Variants in USP39 observed in about 807,000 individuals in gnomAD.
USP39 encodes ubiquitin carboxyl-terminal hydrolase 39.
In USP39, 38 loss-of-function variants were observed where a neutral mutation model predicts 66.4. That is an observed-to-expected ratio of 0.57 (90% CI 0.44 to 0.75). USP39 has a LOEUF of 0.75. Among genes scored for constraint, USP39 ranks in the 30% least tolerant of loss-of-function variants. The probability of loss-of-function intolerance (pLI) is 0.00; values close to 1 mark genes in which losing one functional copy is unlikely to be tolerated. For synonymous variants in USP39, 303 were observed against 274.6 expected (o/e 1.10, Z -1.02); for missense variants, 608 against 714.4 (o/e 0.85, Z 1.70).
At chr2:85,616,065 A>C (rs1673899458), upstream of USP39, 3 of 1,294,100 alleles carry the variant, frequency 2.3e-6, no homozygotes, top group Non-Finnish European at 2.9e-6. Context: ...AATTTTCTGC[A>C]GCGTGATTTG....
intron 8 of USP39, among the ~76,000 whole-genome samples, chr2:85,637,950 G>T (rs903959456): frequency 9.2e-5 from 14 of 152,122 alleles, no homozygotes; most frequent in Non-Finnish European, 1.8e-4. Context: ...ACCTGCCTCG[G>T]CCTCCCAAAG....
chr2:85,633,212 C>T (rs1675504872), intron 6 of USP39, among the ~76,000 whole-genome samples: 1 of 150,090 alleles, frequency 6.7e-6, no homozygotes, highest in Non-Finnish European at 1.5e-5. Context: ...CCTCTGTCTC[C>T]CCAGTTCAAG....
chr2:85,609,361 A>C (rs139096231), upstream of USP39: 959 of 1,554,046 alleles, frequency 6.2e-4, 5 homozygotes, highest in East Asian at 3.1e-3. Context: ...TGAGGAAAAC[A>C]GGGCTCAGGG....
intron 2 of USP39, chr2:85,621,273 A>G (rs1424188132): frequency 4.2e-6 from 2 of 472,442 alleles, no homozygotes; most frequent in African/African-American, 1.9e-5. Flanking sequence ...GCTCGTGGGT[A>G]TTATGTGTCT....
chr2:85,624,434 C>G (rs144818113), intron 4 of USP39, among the ~76,000 whole-genome samples: 34 of 152,122 alleles, frequency 2.2e-4, no homozygotes, highest in African/African-American at 7.7e-4. Flanking sequence ...CAGCCTCGAC[C>G]TCATGGGTTC....
At chr2:85,625,755 A>C in intron 5 of USP39, 64 bp downstream of exon 5, 1 of 1,574,344 alleles carries the variant, frequency 6.4e-7, no homozygotes, top group Non-Finnish European at 8.7e-7. Flanking sequence ...ACAGTGGCTC[A>C]CCCCTGTAAT....
Position 85,641,114 on chromosome 2 carries a change from A to G in USP39, c.1423A>G (p.Ile475Val), listed in dbSNP as rs1350251931. ...GAATCCAACTATTGTCAATTTCCCT[A>G]TTACGTAAGTAACATCCTGCCTCAC... ...EKNPTIVNFPITNVDLREYLS... is the reference protein window; with the variant it reads ...EKNPTIVNFPVTNVDLREYLS... The change falls in exon 10 of 13, where the codon ATT becomes GTT. Residue 475 changes from isoleucine (I) to valine (V), a missense_variant. Physicochemically the swap from Ile to Val is conservative, Grantham distance 29. This residue lies in a region of USP39 where 164 missense variants were observed against 250.3 expected (regional missense o/e 0.66). Transcript: ENST00000323701. 22 of 1,612,432 alleles carry G rather than the reference A, an allele frequency of 1.4e-5. No individual in the cohort carries two copies. The highest frequency in any genetic ancestry group is 1.8e-5 in the Non-Finnish European group (21 of 1,179,582).
chr2:85,604,528 A>T (rs560810373), intron 1 of USP39, among the ~76,000 whole-genome samples: 1 of 152,328 alleles, frequency 6.6e-6, no homozygotes, highest in African/African-American at 2.4e-5. Context: ...CCCTGTCCTT[A>T]AACACATTAG....
intron 9 of USP39, 85 bp downstream of exon 9, chr2:85,639,476 CA>C (rs1259197009): frequency 2.1e-4 from 279 of 1,327,274 alleles, no homozygotes; most frequent in Non-Finnish European, 2.7e-4. Flanking sequence ...TTTTTCAAGA[CA>C]GAGTTTTGCT....
chr2:85,609,066 C>A, upstream of USP39: 1 of 1,614,136 alleles, frequency 6.2e-7, no homozygotes, highest in Non-Finnish European at 8.5e-7. Flanking sequence ...TGGGTCATCA[C>A]CCTACGTGGA....
Position 85,625,759 on chromosome 2 carries a change from C to G in USP39, c.723+68C>G, listed in dbSNP as rs1476668198. On this transcript the variant is annotated intron_variant, in intron 5 of 12. Transcript: ENST00000323701. ...GAAGGCTGAGCACAGTGGCTCACCC[C>G]TGTAATCCCAGCACTTTGGGAGGCC... 7 of 1,564,440 alleles carry G rather than the reference C, an allele frequency of 4.5e-6. No homozygotes were observed. In the African/African-American group the frequency reaches 6.8e-5, roughly 15 times the overall value.
chr2:85,630,946 G>A lies in USP39; in HGVS notation c.949G>A (p.Gly317Arg). 1 of 1,613,008 alleles carries A rather than the reference G, an allele frequency of 6.2e-7. No homozygotes were observed. The highest frequency in any genetic ancestry group is 8.5e-7 in the Non-Finnish European group (1 of 1,179,372). ...SKKTFQITKQ[G>R]DGVDFLSWFL... ...GAAGACTTTTCAGATCACCAAACAA[G>A]GTAAGAACAAGTCATTCATGTTTCA... The change falls in exon 6 of 13, where the codon GGA becomes AGA. Residue 317 changes from glycine to arginine, a missense_variant and splice_region_variant. This residue lies in a region of USP39 where 72 missense variants were observed against 60.1 expected (regional missense o/e 1.20). Coordinates refer to ENST00000323701, the MANE Select transcript of USP39 (RefSeq NM_006590.4).
upstream of USP39, chr2:85,608,725 A>C: frequency 3.1e-6 from 1 of 319,412 alleles, no homozygotes; most frequent in East Asian, 5.7e-5. Context: ...AAAAAAAAAA[A>C]AAAAGAATTC....
chr2:85,624,272 A>C (rs993663352), intron 4 of USP39, among the ~76,000 whole-genome samples: 1 of 151,798 alleles, frequency 6.6e-6, no homozygotes, highest in Non-Finnish European at 1.5e-5. Flanking sequence ...GGGTTTGATT[A>C]GTGTTGGGCT....
chr2:85,642,229 TTC>T (rs1313196637), intron 10 of USP39, among the ~76,000 whole-genome samples: 2 of 152,238 alleles, frequency 1.3e-5, no homozygotes, highest in African/African-American at 4.8e-5. Flanking sequence ...GAATTTCTTT[TTC>T]TCTTTTTCTA....
intron 7 of USP39, among the ~76,000 whole-genome samples, chr2:85,637,140 G>A (rs1675833807): frequency 6.6e-6 from 1 of 152,116 alleles, no homozygotes; most frequent in Non-Finnish European, 1.5e-5. Flanking sequence ...CAGGCCCTGT[G>A]ATGGAGGATA....
chr2:85,637,254 T>G lies in USP39; in HGVS notation c.1028-115T>G. On this transcript the variant is annotated intron_variant, in intron 7 of 12. Coordinates refer to ENST00000323701, the MANE Select transcript of USP39 (RefSeq NM_006590.4). Reference sequence around the variant, plus strand: ...GGAAACTTCTGTGTTTAGTGAGAGCTCTGTGTCTTTTGCTGGAAGATGCTG... The same window carrying G: ...GGAAACTTCTGTGTTTAGTGAGAGCGCTGTGTCTTTTGCTGGAAGATGCTG... 5.6e-6 allele frequency: 6 copies of G among 1,063,144 alleles called. No individual in the cohort carries two copies. The South Asian group carries it at 8.2e-5, about 14-fold the overall frequency. The allele number at this position is 1,063,144 out of a possible 1,614,324, so 65.9% of individuals were successfully genotyped here. A position where few individuals can be genotyped will look rare whatever the true frequency, so the allele number is the denominator to read the frequency against.
intron 5 of USP39, among the ~76,000 whole-genome samples, chr2:85,628,601 G>A (rs1675063296): frequency 6.6e-6 from 1 of 152,188 alleles, no homozygotes; most frequent in South Asian, 2.1e-4. Context: ...CTAAAATAGG[G>A]TTGACTGGAC....
rs929974520 is a variant in USP39, at chr2:85,620,356, G to A, written c.338+1067G>A. ...TAGCCAGGTGTGGTGGTGCACTCCT[G>A]TAGTCCCAGCTTCTTGGGGGGCTGA... On this transcript the variant is annotated intron_variant, in intron 2 of 12. Coordinates refer to ENST00000323701, the MANE Select transcript of USP39 (RefSeq NM_006590.4). 2.2e-4 allele frequency among the ~76,000 whole-genome samples: 34 copies of A among 151,868 alleles called. 1 individual carries two copies. The highest frequency in any genetic ancestry group is 8.2e-4 in the African/African-American group (34 of 41,378).
Sources: allele counts gnomAD v4.1 joint callset (sites outside exome capture counted in the v4.1 genomes callset), GRCh38; gene constraint gnomAD v4.1.1; regional missense constraint gnomAD v4.1.1; transcripts MANE v1.5; gene names NCBI Gene and HGNC (gene_info 2026-07-23, HGNC 2026-07-21).